RFTN1: variants seen among roughly 807,000 people sequenced by gnomAD.
RFTN1 encodes raftlin, lipid raft linker 1.
RFTN1 carries 26 observed loss-of-function variants against 46.5 expected under a neutral mutation model. That is an observed-to-expected ratio of 0.56 (90% CI 0.41 to 0.78). The LOEUF (loss-of-function observed/expected upper bound fraction) is 0.78. Among genes scored for constraint, RFTN1 ranks in the 30% least tolerant of loss-of-function variants. RFTN1 has a pLI of 0.00. For synonymous variants in RFTN1, 261 were observed against 284.2 expected (o/e 0.92, Z 0.82); for missense variants, 693 against 718.7 (o/e 0.96, Z 0.41).
chr3:16,377,711 T>C lies in RFTN1; in HGVS notation c.826+7A>G. The stretch of plus-strand genomic sequence containing the variant: ...TGGGTCAAAACTCCCATTGCTGACA[T>C]ACTTACTCCCTGAGAGTGGCTCTTC... On this transcript the variant is annotated splice_region_variant and intron_variant, in intron 5 of 9. Coordinates refer to ENST00000334133, the MANE Select transcript of RFTN1 (RefSeq NM_015150.2). 2 of 1,579,106 alleles carry C rather than the reference T, an allele frequency of 1.3e-6. No individual in the cohort carries two copies.
rs2075998363 is a variant in RFTN1, at chr3:16,460,865, T to C, written c.146-26828A>G. 1.3e-5 allele frequency among the ~76,000 whole-genome samples: 2 copies of C among 152,184 alleles called. No individual in the cohort carries two copies. The highest frequency in any genetic ancestry group is 2.9e-5 in the Non-Finnish European group (2 of 68,022). ...CTCTCCCACCTACCCACCCCAGAAT[T>C]TCTTACCCTTCATAAGGCAGCCCCT... On this transcript the variant is annotated intron_variant, in intron 2 of 9. Transcript: ENST00000334133. This position sits in a 1 kb window ranked among gnomAD's most constrained non-coding sequence, Gnocchi z 4.8.
Position 16,336,126 on chromosome 3 carries a change from T to C in RFTN1, c.1147-9250A>G, listed in dbSNP as rs966496923. ...ACAGAAAGAAGGGCCACTTCACCTC[T>C]ACCTCTCCCTAGCAAGTGGAAGGCA... On this transcript the variant is annotated intron_variant, in intron 7 of 9. Coordinates refer to ENST00000334133, the MANE Select transcript of RFTN1 (RefSeq NM_015150.2). This position sits in a 1 kb window ranked among gnomAD's most constrained non-coding sequence, Gnocchi z 6.0. Among the ~76,000 whole-genome samples, 8 of 152,224 alleles carry C rather than the reference T, an allele frequency of 5.3e-5. No individual in the cohort carries two copies. Among genetic ancestry groups the C allele is most frequent in the African/African-American group, 1.7e-4 (7 of 41,460 alleles).
At chr3:16,365,777 G>GAT (rs2125349678) in intron 6 of RFTN1, among the ~76,000 whole-genome samples, 1 of 139,920 alleles carries the variant, frequency 7.1e-6, no homozygotes, top group East Asian at 2.2e-4. Flanking sequence ...AGAGGCTGGA[G>GAT]ATATAAGATC....
At position 16,380,415 on chromosome 3, in the gene RFTN1, C is replaced by T. The variant is rs1379266664; in HGVS notation, c.442-2313G>A. Among the ~76,000 whole-genome samples, 1 of 152,190 alleles carries T rather than the reference C, an allele frequency of 6.6e-6. No individual in the cohort carries two copies. Among genetic ancestry groups the T allele is most frequent in the African/African-American group, 2.4e-5 (1 of 41,448 alleles). On this transcript the variant is annotated intron_variant, in intron 4 of 9. Transcript: ENST00000334133. This position sits in a 1 kb window ranked among gnomAD's most constrained non-coding sequence, Gnocchi z 4.8. ...CATCTAGAGTGAAGAGGCGAGGACT[C>T]CAGACACAGGGCATTATCCTAGCCC...
chr3:16,394,780 T>C (rs1283212315), intron 4 of RFTN1, among the ~76,000 whole-genome samples: 1 of 152,254 alleles, frequency 6.6e-6, no homozygotes, highest in Non-Finnish European at 1.5e-5. Flanking sequence ...TTATGGAGAT[T>C]TCTTATTGAC....
rs575610057 is a variant in RFTN1 at position 16,316,983 on chromosome 3, C to A, written c.1582G>T (p.Gly528Trp). Reference sequence around the variant, plus strand: ...ACAGCCTCACCCTCCACACCCACCCCACACAGCAGGCCACCAGGGGACAGC... The same window carrying A: ...ACAGCCTCACCCTCCACACCCACCCAACACAGCAGGCCACCAGGGGACAGC... ...EQLSPGGLLC[G>W]VGVEGEAVQN... The change falls in exon 10 of 10, where the codon GGG becomes TGG. Residue 528 changes from glycine (G) to tryptophan (W), a missense_variant. Gly to Trp is a radical substitution (Grantham distance 184). Coordinates refer to ENST00000334133, the MANE Select transcript of RFTN1 (RefSeq NM_015150.2). This position sits in a 1 kb window ranked among gnomAD's most constrained non-coding sequence, Gnocchi z 4.5. 1 of 1,614,102 alleles carries A rather than the reference C, an allele frequency of 6.2e-7. No homozygotes were observed. Among genetic ancestry groups the A allele is most frequent in the Non-Finnish European group, 8.5e-7 (1 of 1,180,020 alleles).
In RFTN1 at chr3:16,482,965, C is replaced by T. The variant is rs1255750549; in HGVS notation, c.145+10760G>A. On this transcript the variant is annotated intron_variant, in intron 2 of 9. Transcript: ENST00000334133. ...GGGCCTCTTGCAGCAGTATCAAGGG[C>T]TGCTTAGAGCCTCCCTTCTAGCCAT... 4 of 689,862 alleles carry T rather than the reference C, an allele frequency of 5.8e-6. No homozygotes were observed. In the East Asian group the frequency reaches 1.1e-4, roughly 19 times the overall value. 42.7% of individuals were successfully genotyped at this position (689,862 alleles called of 1,614,324 possible).
At chr3:16,406,818 C>A (rs35807842) in intron 4 of RFTN1, among the ~76,000 whole-genome samples, 26,463 of 152,106 alleles carry the variant, frequency 0.17, 2,759 homozygotes, top group Admixed American at 0.25. Flanking sequence ...TTCTAAGAAC[C>A]TACACAGTGT....
Position 16,376,258 on chromosome 3 carries a change from G to A in RFTN1, c.826+1460C>T, listed in dbSNP as rs1430988276. 6.6e-6 allele frequency among the ~76,000 whole-genome samples: 1 copy of A among 152,142 alleles called. No individual in the cohort carries two copies. The highest frequency in any genetic ancestry group is 1.5e-5 in the Non-Finnish European group (1 of 68,018). ...AAATGTACAACTTTAACCTTTCCAT[G>A]AGAAACTATCGTTCTATCCCCATTT... On this transcript the variant is annotated intron_variant, in intron 5 of 9. Transcript: ENST00000334133. This position sits in a 1 kb window ranked among gnomAD's most constrained non-coding sequence, Gnocchi z 4.7.
At chr3:16,467,075 G>C (rs2124940016) in intron 2 of RFTN1, among the ~76,000 whole-genome samples, 1 of 152,270 alleles carries the variant, frequency 6.6e-6, no homozygotes, top group East Asian at 1.9e-4. Flanking sequence ...TGATGTGTGA[G>C]AGATACACAA....
intron 8 of RFTN1, among the ~76,000 whole-genome samples, chr3:16,325,815 C>G (rs2125220998): frequency 6.6e-6 from 1 of 152,340 alleles, no homozygotes; most frequent in East Asian, 1.9e-4. Context: ...ATTCTGCACT[C>G]TCAATCACCC....
rs1218177416 is a variant in RFTN1 at position 16,458,540 on chromosome 3, T to C, written c.146-24503A>G. 6.6e-6 allele frequency among the ~76,000 whole-genome samples: 1 copy of C among 152,266 alleles called. No homozygotes were observed. Among genetic ancestry groups the C allele is most frequent in the East Asian group, 1.9e-4 (1 of 5,200 alleles). On this transcript the variant is annotated intron_variant, in intron 2 of 9. Transcript: ENST00000334133. The surrounding 1 kb of genome is among the most constrained non-coding windows in gnomAD (Gnocchi z 5.1). ...CTTTCCTTTTGCAGTAGCTTTTCAA[T>C]AGTGGATCTTTATTGAGCTTTTCCA...
chr3:16,457,498 C>T lies in RFTN1; in HGVS notation c.146-23461G>A, dbSNP rs1444793633. On this transcript the variant is annotated intron_variant, in intron 2 of 9. Transcript: ENST00000334133. The surrounding 1 kb of genome is among the most constrained non-coding windows in gnomAD (Gnocchi z 4.2). Reference sequence around the variant, plus strand: ...TCATTATACCTTCTTTTACGATATACAAGGCATCCCAAAAGTCTCAATACA... The same window carrying T: ...TCATTATACCTTCTTTTACGATATATAAGGCATCCCAAAAGTCTCAATACA... Among the ~76,000 whole-genome samples, 1 of 152,200 alleles carries T rather than the reference C, an allele frequency of 6.6e-6. No individual in the cohort carries two copies. Among genetic ancestry groups the T allele is most frequent in the Non-Finnish European group, 1.5e-5 (1 of 68,022 alleles).
intron 4 of RFTN1, among the ~76,000 whole-genome samples, chr3:16,404,273 A>G (rs1384255665): frequency 1.0e-4 from 2 of 19,256 alleles, no homozygotes; most frequent in African/African-American, 5.9e-4. Flanking sequence ...TATAATATAT[A>G]TAATATGTAA....
intron 4 of RFTN1, among the ~76,000 whole-genome samples, chr3:16,378,721 A>G (rs1433002141): frequency 6.6e-6 from 1 of 152,128 alleles, no homozygotes; most frequent in African/African-American, 2.4e-5. Context: ...TCTCAGGCTT[A>G]GGGAAGGTCA....
chr3:16,409,101 G>A (rs908415484), intron 4 of RFTN1, among the ~76,000 whole-genome samples: 4 of 152,198 alleles, frequency 2.6e-5, no homozygotes, highest in South Asian at 4.1e-4. Flanking sequence ...AAGGAGTCCC[G>A]GCGCAGGCCT....
rs1231228871 is a variant in RFTN1 at position 16,338,977 on chromosome 3, G to T, written c.1147-12101C>A. Among the ~76,000 whole-genome samples the T allele has an allele frequency of 6.6e-6, 1 of 152,148 alleles. No individual in the cohort carries two copies. The highest frequency in any genetic ancestry group is 2.4e-5 in the African/African-American group (1 of 41,412). ...ATCATAAAATGCAAACCCAGAAGAGGTCTCTGAATAAAGGTTGGTTCAAAA... is the reference window on the plus strand; with the variant it reads ...ATCATAAAATGCAAACCCAGAAGAGTTCTCTGAATAAAGGTTGGTTCAAAA... On this transcript the variant is annotated intron_variant, in intron 7 of 9. Transcript: ENST00000334133. The surrounding 1 kb of genome is among the most constrained non-coding windows in gnomAD (Gnocchi z 5.3).
rs946454823 is a variant in RFTN1, at chr3:16,466,070, T to C, written c.145+27655A>G. ...ATCACTCCACATCACTCTCATGCTC[T>C]GAATTCTTCTGTGGCTCCCCAGTGC... On this transcript the variant is annotated intron_variant, in intron 2 of 9. Transcript: ENST00000334133. This position sits in a 1 kb window ranked among gnomAD's most constrained non-coding sequence, Gnocchi z 5.6. Among the ~76,000 whole-genome samples the C allele has an allele frequency of 2.0e-5, 3 of 152,256 alleles. No homozygotes were observed. The highest frequency in any genetic ancestry group is 2.1e-4 in the South Asian group (1 of 4,834).
rs184653192 is a variant in RFTN1 at position 16,452,288 on chromosome 3, C to T, written c.146-18251G>A. Among the ~76,000 whole-genome samples, 466 of 152,080 alleles carry T rather than the reference C, an allele frequency of 3.1e-3. 1 individual carries two copies. Among genetic ancestry groups the T allele is most frequent in the Middle Eastern group, 6.8e-3 (2 of 294 alleles). ...AAGAAAACTAAAAAAAAAATAATAG[C>T]TGTCAAGGTAGATGAAGGTAAGGAT... On this transcript the variant is annotated intron_variant, in intron 2 of 9. Transcript: ENST00000334133. This position sits in a 1 kb window ranked among gnomAD's most constrained non-coding sequence, Gnocchi z 6.3.
Sources: gnomAD v4.1 joint callset for allele counts (sites outside exome capture counted in the v4.1 genomes callset) on GRCh38, gnomAD v4.1.1 for gene constraint, Gnocchi (gnomAD v3.1) non-coding constraint, MANE v1.5 for transcripts, NCBI Gene and HGNC (gene_info 2026-07-23, HGNC 2026-07-21) for gene names.